Variants in GP2 observed in about 807,000 individuals in gnomAD.
GP2 encodes pancreatic secretory granule membrane major glycoprotein GP2.
In GP2, 58 loss-of-function variants were observed where a neutral mutation model predicts 60.8. The ratio of observed to expected loss-of-function variants is 0.95; its 90% CI spans 0.77 to 1.19. The LOEUF is 1.19. Among genes scored for constraint, GP2 ranks in the 50% most tolerant of loss-of-function variants. GP2 has a pLI of 0.00. For synonymous variants in GP2, 280 were observed against 253.4 expected, an observed-to-expected ratio of 1.10 and a Z score of -1.00; for missense variants, 647 against 667.4, an observed-to-expected ratio of 0.97 and a Z score of 0.34.
At chr16:20,321,867 A>G (rs994145109) in intron 4 of GP2, among the ~76,000 whole-genome samples, 2 of 152,192 alleles carry the variant, frequency 1.3e-5, no homozygotes, top group Admixed American at 6.5e-5. Context: ...CCACCTGCTC[A>G]CTCAGTCAGC....
rs1431845349 is a variant in GP2 at position 20,314,660 on chromosome 16, C to CA, written c.1542dup (p.Ala515CysfsTer30). The CA allele has an allele frequency of 1.3e-6, 2 of 1,591,494 alleles. No homozygotes were observed. Among genetic ancestry groups the CA allele is most frequent in the African/African-American group, 2.7e-5 (2 of 74,424 alleles). ...AAGGCATGAGAAAATGATGTACCTG[C>CA]AGTGCTAGGGGTTCCATTCATGACA... On this transcript the variant is annotated frameshift_variant, in exon 10 of 11. Coordinates refer to ENST00000302555, the MANE Select transcript of GP2 (RefSeq NM_001502.4). LOFTEE classifies it high-confidence loss of function.
intron 2 of GP2, among the ~76,000 whole-genome samples, chr16:20,325,639 T>C (rs1169560815): frequency 6.6e-6 from 1 of 152,236 alleles, no homozygotes; most frequent in Admixed American, 6.5e-5. Flanking sequence ...ATGCTGTAGA[T>C]GCCTGAAGAA....
rs141433921 is a variant in GP2 at position 20,323,595 on chromosome 16, A to C, written c.535+221T>G. On this transcript the variant is annotated intron_variant, in intron 3 of 10. Coordinates refer to ENST00000302555, the MANE Select transcript of GP2 (RefSeq NM_001502.4). ...GCATGAGTTCTGGATTTTATGCTACACACATTTATAAACTGGGAAATTTCA... is the reference window on the plus strand; with the variant it reads ...GCATGAGTTCTGGATTTTATGCTACCCACATTTATAAACTGGGAAATTTCA... 844 of 605,616 alleles carry C rather than the reference A, an allele frequency of 1.4e-3. 5 individuals carry two copies. In the African/African-American group the frequency reaches 0.015, roughly 10 times the overall value. The allele number at this position is 605,616 out of a possible 1,614,324, so 37.5% of individuals were successfully genotyped here.
chr16:20,316,463 CTGA>C (rs1192211359), intron 8 of GP2, among the ~76,000 whole-genome samples: 1 of 152,176 alleles, frequency 6.6e-6, no homozygotes, highest in Non-Finnish European at 1.5e-5. Flanking sequence ...CACCCTGGCT[CTGA>C]TATTTTCTAA....
chr16:20,322,906 G>A lies in GP2; in HGVS notation c.609C>T (p.Thr203=), dbSNP rs1964408961. 1 of 1,611,758 alleles carries A rather than the reference G, an allele frequency of 6.2e-7. No homozygotes were observed. Among genetic ancestry groups the A allele is most frequent in the Non-Finnish European group, 8.5e-7 (1 of 1,177,856 alleles). The change falls in exon 4 of 11, where the codon ACC becomes ACT. Residue 203 remains threonine (T), a synonymous_variant. Coordinates refer to ENST00000302555, the MANE Select transcript of GP2 (RefSeq NM_001502.4). ...GGTCCTGTCTGCAGAAACAGCCCCA[G>A]GTGCTGTTGAGGGCAAGGCACTCCT... ...PEEECLALNS[T]WGCFCRQDLN...
At chr16:20,324,513 G>T (rs1371333383) in intron 2 of GP2, among the ~76,000 whole-genome samples, 2 of 152,142 alleles carry the variant, frequency 1.3e-5, no homozygotes, top group Non-Finnish European at 2.9e-5. Flanking sequence ...GAGTAACAAA[G>T]TTCTTTCCTG....
rs756284217 is a variant in GP2, at chr16:20,326,354, T to C, written c.78A>G (p.Ala26=). ...LALVSCILTQ[A]SAVQRGYGNP... is the part of the protein sequence containing the mutation. ...AATACTTACCTCGCTGCACTGCAGATGCCTGGGTCAGAATGCAGGAGACCA... is the reference window on the plus strand; with the variant it reads ...AATACTTACCTCGCTGCACTGCAGACGCCTGGGTCAGAATGCAGGAGACCA... The change falls in exon 2 of 11, where the codon GCA becomes GCG. Residue 26 remains alanine (A), a synonymous_variant. Coordinates refer to ENST00000302555, the MANE Select transcript of GP2 (RefSeq NM_001502.4). The C allele has an allele frequency of 6.2e-7, 1 of 1,613,938 alleles. No individual in the cohort carries two copies. The highest frequency in any genetic ancestry group is 8.5e-7 in the Non-Finnish European group (1 of 1,179,822).
chr16:20,325,092 G>A (rs1964496435), intron 2 of GP2, among the ~76,000 whole-genome samples: 1 of 152,242 alleles, frequency 6.6e-6, no homozygotes, highest in Non-Finnish European at 1.5e-5. Flanking sequence ...TTTAGAAACT[G>A]TGATGTATGA....
intron 2 of GP2, among the ~76,000 whole-genome samples, chr16:20,324,954 C>T (rs1325655667): frequency 3.9e-5 from 6 of 152,228 alleles, no homozygotes; most frequent in Admixed American, 3.9e-4. Flanking sequence ...TACCAGATCC[C>T]ACCAGCATGC....
At chr16:20,311,517 G>T (rs897923619) in intron 10 of GP2, among the ~76,000 whole-genome samples, 2 of 152,174 alleles carry the variant, frequency 1.3e-5, no homozygotes, top group Non-Finnish European at 2.9e-5. Context: ...TTTGCAACTA[G>T]GTGGGGCCAT....
chr16:20,314,125 C>T (rs750529368), intron 10 of GP2, among the ~76,000 whole-genome samples: 3 of 151,662 alleles, frequency 2.0e-5, no homozygotes, highest in Admixed American at 6.6e-5. Flanking sequence ...CTAATGCATG[C>T]GGGACTTAAA....
chr16:20,326,304 G>A (rs760254818), intron 2 of GP2, 34 bp downstream of exon 2: 3 of 1,604,642 alleles, frequency 1.9e-6, no homozygotes, highest in African/African-American at 1.3e-5. Context: ...GGTCTTCCTT[G>A]ACATCTGAGA....
intron 2 of GP2, among the ~76,000 whole-genome samples, chr16:20,324,897 C>T (rs946411820): frequency 9.8e-5 from 15 of 152,312 alleles, no homozygotes; most frequent in Admixed American, 2.0e-4. Context: ...ACTGGAGGAG[C>T]CATCCTGTGC....
chr16:20,324,136 G>C lies in GP2; in HGVS notation c.215C>G (p.Pro72Arg). 1.2e-6 allele frequency: 2 copies of C among 1,614,042 alleles called. No homozygotes were observed. The highest frequency in any genetic ancestry group is 1.7e-6 in the Non-Finnish European group (2 of 1,179,874). Residue 72 changes from proline (P) to arginine (R), a missense_variant, in exon 3 of 11, where the codon CCC becomes CGC. Transcript: ENST00000302555. Reference sequence around the variant, plus strand: ...TGCTGAGTTCTCTGTGCTTCGGAAGGGTTCATCCAGGAGGGTGTAATTCTG... The same window carrying C: ...TGCTGAGTTCTCTGTGCTTCGGAAGCGTTCATCCAGGAGGGTGTAATTCTG... ...PCQNYTLLDE[P>R]FRSTENSAGS...
intron 9 of GP2, 143 bp downstream of exon 9, chr16:20,315,813 C>T (rs778857238): frequency 6.1e-6 from 4 of 652,568 alleles, no homozygotes; most frequent in Non-Finnish European, 1.1e-5. Context: ...TTACCCAAAG[C>T]ATCTCAAAGA....
chr16:20,323,760 C>T, intron 3 of GP2, 56 bp downstream of exon 3: 2 of 1,173,156 alleles, frequency 1.7e-6, no homozygotes, highest in Non-Finnish European at 2.5e-6. Context: ...CTCTACTGAG[C>T]CTGGGAGGCA....
chr16:20,316,281 A>T (rs537321469), intron 8 of GP2, among the ~76,000 whole-genome samples: 2 of 152,344 alleles, frequency 1.3e-5, no homozygotes, highest in South Asian at 4.1e-4. Context: ...GGGGCCAATG[A>T]CTTTGCCTTT....
chr16:20,326,196 G>A, intron 2 of GP2, 142 bp downstream of exon 2: 2 of 647,824 alleles, frequency 3.1e-6, no homozygotes, highest in Non-Finnish European at 5.4e-6. Context: ...TTCTCATTAT[G>A]TTTCCCTTGA....
chr16:20,316,061 T>C, intron 8 of GP2, 21 bp from the exon 9 acceptor site: 12 of 1,507,670 alleles, frequency 8.0e-6, no homozygotes, highest in Non-Finnish European at 1.1e-5. Flanking sequence ...GATGAACTTT[T>C]ATTATATCAA....
Sources: gnomAD v4.1 joint callset for allele counts (sites outside exome capture counted in the v4.1 genomes callset) on GRCh38, gnomAD v4.1.1 for gene constraint, MANE v1.5 for transcripts, NCBI Gene and HGNC (gene_info 2026-07-23, HGNC 2026-07-21) for gene names.